Variants in CDH18 observed in about 807,000 individuals in gnomAD.
CDH18 encodes the protein cadherin 18.
Under a neutral mutation model 67.9 loss-of-function variants are expected in CDH18, and 31 were observed. The ratio of observed to expected loss-of-function variants is 0.46; its 90% CI spans 0.34 to 0.62. The LOEUF is 0.62. CDH18 is among the 20% of genes least tolerant of loss of function. The pLI is 0.01. For synonymous variants in CDH18, 362 were observed against 347.2 expected, an observed-to-expected ratio of 1.04 and a Z score of -0.48; for missense variants, 890 against 975.5, an observed-to-expected ratio of 0.91 and a Z score of 1.17.
At chr5:19,864,493 C>T (rs369011968) in intron 2 of CDH18, among the ~76,000 whole-genome samples, 2 of 151,752 alleles carry the variant, frequency 1.3e-5, no homozygotes, top group East Asian at 3.9e-4. Context: ...CTAACCTGCA[C>T]ATTGTGCACA....
intron 2 of CDH18, among the ~76,000 whole-genome samples, chr5:20,246,854 G>T (rs926613048): frequency 6.6e-6 from 1 of 152,076 alleles, no homozygotes; most frequent in African/African-American, 2.4e-5. Context: ...GTTTGAAATT[G>T]GCATCTCATA....
intron 3 of CDH18, among the ~76,000 whole-genome samples, chr5:19,796,617 T>C (rs968544217): frequency 6.6e-6 from 1 of 152,056 alleles, no homozygotes; most frequent in Non-Finnish European, 1.5e-5. Context: ...CACAAAAGAA[T>C]ACTGAAACTG....
intron 10 of CDH18, among the ~76,000 whole-genome samples, chr5:19,506,232 C>G (rs1311853240): frequency 6.6e-6 from 1 of 152,132 alleles, no homozygotes; most frequent in Admixed American, 6.6e-5. Flanking sequence ...AGGAGAACTA[C>G]AAACCACTGC....
At chr5:20,021,595 T>C (rs1738427389) in intron 2 of CDH18, among the ~76,000 whole-genome samples, 1 of 151,976 alleles carries the variant, frequency 6.6e-6, no homozygotes, top group South Asian at 2.1e-4. Flanking sequence ...CTTTTCCTTC[T>C]CTGACCATGT....
intron 4 of CDH18, among the ~76,000 whole-genome samples, chr5:19,732,354 T>C (rs1197821789): frequency 6.6e-6 from 1 of 151,964 alleles, no homozygotes; most frequent in Non-Finnish European, 1.5e-5. Flanking sequence ...ATCAGAAGGC[T>C]GAGGCAGGAG....
At chr5:19,568,126 C>G (rs1740752420) in intron 8 of CDH18, among the ~76,000 whole-genome samples, 1 of 152,024 alleles carries the variant, frequency 6.6e-6, no homozygotes, top group Non-Finnish European at 1.5e-5. Flanking sequence ...GACTTGGGGC[C>G]AGATAATTTC....
intron 1 of CDH18, among the ~76,000 whole-genome samples, chr5:20,391,276 G>T (rs773834569): frequency 4.1e-4 from 63 of 152,034 alleles, no homozygotes; most frequent in Non-Finnish European, 7.2e-4. Flanking sequence ...TTATATTGTA[G>T]GGTAGGTTTT....
intron 8 of CDH18, among the ~76,000 whole-genome samples, chr5:19,547,549 C>T (rs1221948108): frequency 6.6e-6 from 1 of 152,120 alleles, no homozygotes; most frequent in Non-Finnish European, 1.5e-5. Context: ...AGTCTTTTTG[C>T]CAGAGCAATC....
chr5:19,579,025 T>C (rs1742780527), intron 7 of CDH18, among the ~76,000 whole-genome samples: 1 of 152,034 alleles, frequency 6.6e-6, no homozygotes, highest in African/African-American at 2.4e-5. Flanking sequence ...AAATATTCTA[T>C]AGGCGCTTGA....
intron 1 of CDH18, among the ~76,000 whole-genome samples, chr5:20,462,095 C>T (rs968506770): frequency 6.6e-6 from 1 of 152,102 alleles, no homozygotes; most frequent in Non-Finnish European, 1.5e-5. Context: ...TTATTTACAA[C>T]AGCAAGCATA....
chr5:20,574,981 GA>G (rs200811136), intron 1 of CDH18, among the ~76,000 whole-genome samples: 8,969 of 142,622 alleles, frequency 0.063, 320 homozygotes, highest in East Asian at 0.13. Context: ...GACAGATTTA[GA>G]AAAAAAAAAA....
intron 2 of CDH18, among the ~76,000 whole-genome samples, chr5:20,251,774 G>A (rs988158696): frequency 6.6e-6 from 1 of 152,094 alleles, no homozygotes; most frequent in South Asian, 2.1e-4. Context: ...GGAAAGATCC[G>A]TATTTCAAAT....
At chr5:20,138,845 C>T (rs949411631) in intron 2 of CDH18, among the ~76,000 whole-genome samples, 12 of 152,258 alleles carry the variant, frequency 7.9e-5, no homozygotes, top group East Asian at 5.8e-4. Context: ...ACATTCCATG[C>T]TCATGGACAG....
chr5:20,379,442 A>G (rs113157286), intron 1 of CDH18, among the ~76,000 whole-genome samples: 34 of 152,316 alleles, frequency 2.2e-4, no homozygotes, highest in African/African-American at 8.2e-4. Context: ...CAGTCACAAC[A>G]GAATATTACG....
At chr5:19,735,630 C>G (rs994226232) in intron 4 of CDH18, among the ~76,000 whole-genome samples, 1 of 152,086 alleles carries the variant, frequency 6.6e-6, no homozygotes, top group Non-Finnish European at 1.5e-5. Context: ...CTCCTGACCT[C>G]ATGATCCTCC....
At chr5:20,035,272 G>A (rs1036282410) in intron 2 of CDH18, among the ~76,000 whole-genome samples, 5 of 151,932 alleles carry the variant, frequency 3.3e-5, no homozygotes, top group Non-Finnish European at 7.4e-5. Context: ...GCCTGTCCAT[G>A]CAATTTATTA....
At chr5:20,273,804 G>T (rs969344603) in intron 1 of CDH18, among the ~76,000 whole-genome samples, 6 of 152,056 alleles carry the variant, frequency 3.9e-5, no homozygotes, top group Admixed American at 1.3e-4. Context: ...CCTATACCAG[G>T]ATGTTACATT....
chr5:19,936,137 C>T (rs1015889606), intron 2 of CDH18, among the ~76,000 whole-genome samples: 12 of 151,182 alleles, frequency 7.9e-5, no homozygotes, highest in African/African-American at 7.3e-5. Context: ...TGAAAGTTGC[C>T]TGTGCTCTTT....
At chr5:19,996,047 C>T (rs1735988281) in intron 2 of CDH18, among the ~76,000 whole-genome samples, 1 of 151,808 alleles carries the variant, frequency 6.6e-6, no homozygotes, top group South Asian at 2.1e-4. Context: ...GACTTTTGTT[C>T]ACAAAAAAGG....
Sources: allele counts gnomAD v4.1 joint callset (sites outside exome capture counted in the v4.1 genomes callset), GRCh38; gene constraint gnomAD v4.1.1; transcripts MANE v1.5; gene names NCBI Gene and HGNC (gene_info 2026-07-23, HGNC 2026-07-21).